The following GRIN2A variants were observed in gnomAD, a reference collection of about 807,000 sequenced individuals.
GRIN2A encodes glutamate ionotropic receptor NMDA type subunit 2A.
In GRIN2A, 22 loss-of-function variants were observed where a neutral mutation model predicts 113.4. The ratio of observed to expected loss-of-function variants is 0.19; its 90% CI spans 0.14 to 0.28. GRIN2A has a LOEUF of 0.28. GRIN2A is among the 10% of genes least tolerant of loss of function. The pLI is 1.00. For missense variants in GRIN2A, 1,502 were observed against 1,887.0 expected (o/e 0.80, Z 3.78); for synonymous variants, 827 against 738.4 (o/e 1.12, Z -1.94).
intron 2 of GRIN2A, among the ~76,000 whole-genome samples, chr16:10,021,770 G>A (rs535059146): frequency 7.9e-4 from 120 of 152,076 alleles, no homozygotes; most frequent in Middle Eastern, 3.4e-3. Context: ...GGGTCAGTGG[G>A]GCTGGAGCAA....
intron 2 of GRIN2A, among the ~76,000 whole-genome samples, chr16:9,972,555 C>T (rs1299491109): frequency 1.3e-5 from 2 of 151,668 alleles, no homozygotes; most frequent in Non-Finnish European, 2.9e-5. Context: ...AGGTAGGAAG[C>T]CTCAGAAGAG....
At chr16:9,892,131 T>C (rs1014473560) in intron 3 of GRIN2A, among the ~76,000 whole-genome samples, 2 of 151,982 alleles carry the variant, frequency 1.3e-5, no homozygotes, top group Admixed American at 1.3e-4. Context: ...CTCAGAAGGC[T>C]GAGGCAGGAG....
In GRIN2A at chr16:9,759,302, TTTTC is replaced by T. The variant is rs1227003337; in HGVS notation, c.*3843_*3846del. 4.5e-6 allele frequency: 1 copy of T among 221,246 alleles called. No homozygotes were observed. Among genetic ancestry groups the T allele is most frequent in the Non-Finnish European group, 9.0e-6 (1 of 110,642 alleles). 13.7% of individuals were successfully genotyped at this position (221,246 alleles called of 1,614,324 possible). A position where few individuals can be genotyped will look rare whatever the true frequency, so the allele number is the denominator to read the frequency against. The stretch of plus-strand genomic sequence containing the variant: ...ACCATTTAATTAACATCAACATTTT[TTTTC>T]TTTTTCATTAGCAATTCTATTTGCA... On this transcript the variant is annotated 3_prime_UTR_variant, in exon 13 of 13. Coordinates refer to ENST00000330684, the MANE Select transcript of GRIN2A (RefSeq NM_001134407.3).
chr16:9,923,968 A>T (rs969841501), intron 3 of GRIN2A, among the ~76,000 whole-genome samples: 1 of 152,026 alleles, frequency 6.6e-6, no homozygotes, highest in African/African-American at 2.4e-5. Flanking sequence ...CTCTACTAAA[A>T]ATACAAAAAT....
At chr16:10,065,680 C>G (rs914309510) in intron 2 of GRIN2A, among the ~76,000 whole-genome samples, 3 of 152,128 alleles carry the variant, frequency 2.0e-5, no homozygotes, top group Non-Finnish European at 4.4e-5. Flanking sequence ...GTAGCGTGTG[C>G]TCAGTAGTGT....
At chr16:10,069,292 C>T (rs966217578) in intron 2 of GRIN2A, among the ~76,000 whole-genome samples, 1 of 152,268 alleles carries the variant, frequency 6.6e-6, no homozygotes, top group East Asian at 1.9e-4. Context: ...TTATACATTG[C>T]ACTAGACTCT....
At chr16:10,126,164 TATA>T (rs765318367) in intron 2 of GRIN2A, among the ~76,000 whole-genome samples, 9,625 of 91,374 alleles carry the variant, frequency 0.11, 319 homozygotes, top group Admixed American at 0.12. Flanking sequence ...TCTTTATATA[TATA>T]TATATTTTTT....
At chr16:10,138,525 GA>G (rs2049251291) in intron 2 of GRIN2A, among the ~76,000 whole-genome samples, 1 of 152,118 alleles carries the variant, frequency 6.6e-6, no homozygotes, top group Non-Finnish European at 1.5e-5. Context: ...ACTATCACGA[GA>G]ACAGCAAGGG....
At chr16:10,085,626 G>A (rs1040893998) in intron 2 of GRIN2A, among the ~76,000 whole-genome samples, 5 of 152,178 alleles carry the variant, frequency 3.3e-5, no homozygotes, top group Non-Finnish European at 5.9e-5. Flanking sequence ...TGTATAAAGC[G>A]AGGGGCAGAG....
chr16:10,158,543 ATAAAT>A (rs1321246559), intron 2 of GRIN2A, among the ~76,000 whole-genome samples: 11 of 152,366 alleles, frequency 7.2e-5, no homozygotes, highest in African/African-American at 2.6e-4. Flanking sequence ...GGTTGAATAG[ATAAAT>A]TAAATATAGT....
chr16:9,868,866 G>T (rs1181912916), intron 4 of GRIN2A, among the ~76,000 whole-genome samples: 2 of 152,084 alleles, frequency 1.3e-5, no homozygotes, highest in East Asian at 3.9e-4. Context: ...TACTCACCCT[G>T]CCCAGAAAAC....
rs1268330409 is a variant in GRIN2A at position 9,754,970 on chromosome 16, G to A, written c.*8179C>T. On this transcript the variant is annotated 3_prime_UTR_variant, in exon 13 of 13. Coordinates refer to ENST00000330684, the MANE Select transcript of GRIN2A (RefSeq NM_001134407.3). ...ATTAACCTCATTAATTTGAAAGGCA[G>A]CTGTGGTATTGGCTATGAGTTATGT... is the stretch of plus-strand genomic sequence containing the variant. 9.5e-6 allele frequency: 2 copies of A among 210,028 alleles called. No individual in the cohort carries two copies. Among genetic ancestry groups the A allele is most frequent in the Non-Finnish European group, 1.9e-5 (2 of 103,310 alleles). The allele number at this position is 210,028 out of a possible 1,614,324, so 13.0% of individuals were successfully genotyped here.
At chr16:9,935,512 T>TCTCA (rs553803966) in intron 3 of GRIN2A, among the ~76,000 whole-genome samples, 4 of 132,836 alleles carry the variant, frequency 3.0e-5, no homozygotes, top group East Asian at 2.2e-4. Context: ...GTCTACTTCA[T>TCTCA]CACACACACA....
intron 2 of GRIN2A, among the ~76,000 whole-genome samples, chr16:10,104,965 G>A (rs1374657261): frequency 6.6e-6 from 1 of 152,180 alleles, no homozygotes; most frequent in Non-Finnish European, 1.5e-5. Flanking sequence ...TGTTACGAGA[G>A]TGCAGCAGAG....
At chr16:9,777,615 C>T (rs533170244) in intron 11 of GRIN2A, among the ~76,000 whole-genome samples, 15 of 152,360 alleles carry the variant, frequency 9.8e-5, no homozygotes, top group African/African-American at 3.4e-4. Context: ...TTCACCGCCA[C>T]CTTCCAACTG....
At chr16:9,840,514 G>T in intron 7 of GRIN2A, 133 bp downstream of exon 7, 1 of 848,664 alleles carries the variant, frequency 1.2e-6, no homozygotes, top group Non-Finnish European at 2.0e-6. Flanking sequence ...TAATTCAAAT[G>T]CAGCATCCTC....
intron 2 of GRIN2A, among the ~76,000 whole-genome samples, chr16:10,169,254 T>C (rs1203461702): frequency 1.3e-5 from 2 of 152,190 alleles, no homozygotes; most frequent in African/African-American, 4.8e-5. Flanking sequence ...CGTCCATCTT[T>C]AGATATCACT....
chr16:9,960,179 A>G (rs2045408729), intron 2 of GRIN2A, among the ~76,000 whole-genome samples: 1 of 152,230 alleles, frequency 6.6e-6, no homozygotes, highest in African/African-American at 2.4e-5. Flanking sequence ...ACAATGTCCC[A>G]TAGTAGGTAA....
In GRIN2A at chr16:10,015,252, CAAAA is replaced by C. The variant is rs200124835; in HGVS notation, c.415-76705_415-76702del. On this transcript the variant is annotated intron_variant, in intron 2 of 12. Coordinates refer to ENST00000330684, the MANE Select transcript of GRIN2A (RefSeq NM_001134407.3). ...TGGGCAACAGAGCAAGACTTCATCT[CAAAA>C]AAAAAAAAAAAAAAAGAAAAAAAAA... Among the ~76,000 whole-genome samples, 31 of 19,314 alleles carry C rather than the reference CAAAA, an allele frequency of 1.6e-3. No homozygotes were observed. The East Asian group carries it at 0.028, about 17-fold the overall frequency. 12.7% of individuals were successfully genotyped at this position (19,314 alleles called of 152,430 possible). A position where few individuals can be genotyped will look rare whatever the true frequency, so the allele number is the denominator to read the frequency against.
Sources: allele counts gnomAD v4.1 joint callset (sites outside exome capture counted in the v4.1 genomes callset), GRCh38; gene constraint gnomAD v4.1.1; transcripts MANE v1.5; gene names NCBI Gene and HGNC (gene_info 2026-07-23, HGNC 2026-07-21).